PAPPA: variants seen among roughly 807,000 people sequenced by gnomAD.
PAPPA encodes pappalysin 1.
A neutral mutation model predicts 164.0 loss-of-function variants in PAPPA; 60 were observed. That is an observed-to-expected ratio of 0.37 (90% confidence interval 0.30 to 0.45). The LOEUF (loss-of-function observed/expected upper bound fraction) is 0.45, where lower values mean the gene tolerates loss of function less well. PAPPA is among the 20% of genes least tolerant of loss of function. The probability of loss-of-function intolerance (pLI) is 1.00; values close to 1 mark genes in which losing one functional copy is unlikely to be tolerated. For missense variants in PAPPA, 1,782 were observed against 2,087.3 expected (o/e 0.85, Z 2.85); for synonymous variants, 875 against 814.1 (o/e 1.07, Z -1.27).
At chr9:116,160,779 T>C (rs1002533066) in intron 1 of PAPPA, among the ~76,000 whole-genome samples, 2 of 152,210 alleles carry the variant, frequency 1.3e-5, no homozygotes, top group African/African-American at 4.8e-5. Flanking sequence ...CTTCTTGCCT[T>C]GGTGCAGTTA....
chr9:116,284,490 C>T (rs559190753), intron 9 of PAPPA, among the ~76,000 whole-genome samples: 1 of 148,136 alleles, frequency 6.8e-6, no homozygotes, highest in East Asian at 2.0e-4. Context: ...AGGCACACTT[C>T]TCATTCTCCA....
At chr9:116,355,147 T>A (rs1186079234) in intron 17 of PAPPA, among the ~76,000 whole-genome samples, 1 of 152,048 alleles carries the variant, frequency 6.6e-6, no homozygotes, top group East Asian at 1.9e-4. Context: ...TCATTCCACA[T>A]CCCCACACTA....
chr9:116,167,474 C>A (rs1014099578), intron 1 of PAPPA, among the ~76,000 whole-genome samples: 3 of 152,084 alleles, frequency 2.0e-5, no homozygotes, highest in Non-Finnish European at 4.4e-5. Flanking sequence ...ACCAATTGTG[C>A]ACTTATTTCA....
chr9:116,297,870 T>G (rs1845529002), intron 9 of PAPPA, among the ~76,000 whole-genome samples: 1 of 152,230 alleles, frequency 6.6e-6, no homozygotes, highest in African/African-American at 2.4e-5. Context: ...TCTCAGTCTG[T>G]TATGCTATTT....
chr9:116,205,082 T>TTC (rs1554737709), intron 2 of PAPPA, among the ~76,000 whole-genome samples: 2 of 149,976 alleles, frequency 1.3e-5, no homozygotes, highest in African/African-American at 2.5e-5. Flanking sequence ...TTTTTTTTTT[T>TTC]CCCCCCTTTG....
intron 10 of PAPPA, among the ~76,000 whole-genome samples, chr9:116,310,001 G>T (rs1340986320): frequency 6.6e-6 from 1 of 152,128 alleles, no homozygotes; most frequent in African/African-American, 2.4e-5. Flanking sequence ...CCCACCCATG[G>T]TACTCTTTCT....
At chr9:116,238,980 A>G (rs767596106) in intron 7 of PAPPA, among the ~76,000 whole-genome samples, 2 of 152,148 alleles carry the variant, frequency 1.3e-5, no homozygotes, top group Non-Finnish European at 2.9e-5. Context: ...GCTCTTATAC[A>G]AGTTCTATAT....
At chr9:116,337,603 C>T (rs1846078124) in intron 13 of PAPPA, among the ~76,000 whole-genome samples, 1 of 152,022 alleles carries the variant, frequency 6.6e-6, no homozygotes, top group African/African-American at 2.4e-5. Flanking sequence ...TCTCCCCTCC[C>T]CTTCTCTCCT....
At chr9:116,167,484 A>G (rs1843730705) in intron 1 of PAPPA, among the ~76,000 whole-genome samples, 1 of 152,186 alleles carries the variant, frequency 6.6e-6, no homozygotes, top group Non-Finnish European at 1.5e-5. Flanking sequence ...CACTTATTTC[A>G]AAGATACTCT....
chr9:116,209,688 A>G (rs927927030), intron 3 of PAPPA, among the ~76,000 whole-genome samples: 1 of 152,156 alleles, frequency 6.6e-6, no homozygotes, highest in Non-Finnish European at 1.5e-5. Context: ...GGATGAGGTA[A>G]AGCAAACAGG....
intron 1 of PAPPA, among the ~76,000 whole-genome samples, chr9:116,183,034 C>T (rs1843925512): frequency 6.6e-6 from 1 of 152,154 alleles, no homozygotes. Context: ...TTCGGTTTTG[C>T]CACATGGGAC....
intron 13 of PAPPA, among the ~76,000 whole-genome samples, chr9:116,338,611 C>A (rs924320537): frequency 6.6e-6 from 1 of 152,228 alleles, no homozygotes; most frequent in African/African-American, 2.4e-5. Flanking sequence ...GCTGCCATAA[C>A]CTCATTCAAC....
At chr9:116,305,435 C>T (rs1845633738) in intron 10 of PAPPA, among the ~76,000 whole-genome samples, 1 of 147,034 alleles carries the variant, frequency 6.8e-6, no homozygotes, top group African/African-American at 2.5e-5. Context: ...ACTTTCCCCC[C>T]AGATGCTCAT....
At chr9:116,374,281 A>C (rs568541314) in intron 19 of PAPPA, among the ~76,000 whole-genome samples, 1 of 152,214 alleles carries the variant, frequency 6.6e-6, no homozygotes, top group South Asian at 2.1e-4. Flanking sequence ...TATTCTTCCT[A>C]CCACCAAGGC....
rs537098021 is a variant in PAPPA at position 116,378,220 on chromosome 9, G to A, written c.4677+573G>A. 1.3e-4 allele frequency among the ~76,000 whole-genome samples: 20 copies of A among 152,292 alleles called. No homozygotes were observed. The South Asian group carries it at 3.9e-3, about 30-fold the overall frequency. ...AACCCTTAAATTCTATGACTTCACA[G>A]TTGAGCCATTCCTTACAGCTTGGAA... On this transcript the variant is annotated intron_variant, in intron 20 of 21. Transcript: ENST00000328252.
chr9:116,374,154 A>ATGATGATGATGGTG (rs1846615154), intron 19 of PAPPA, among the ~76,000 whole-genome samples: 2 of 29,684 alleles, frequency 6.7e-5, no homozygotes, highest in Admixed American at 6.4e-4. Context: ...TGATGGTGGT[A>ATGATGATGATGGTG]GTGTTGGTGG....
chr9:116,346,487 A>G (rs956700003), intron 14 of PAPPA, among the ~76,000 whole-genome samples: 2 of 152,184 alleles, frequency 1.3e-5, no homozygotes, highest in African/African-American at 2.4e-5. Flanking sequence ...GTCTCATAAC[A>G]TGGAGGAAAA....
At chr9:116,214,304 G>A (rs540006046) in intron 4 of PAPPA, among the ~76,000 whole-genome samples, 1 of 152,132 alleles carries the variant, frequency 6.6e-6, no homozygotes, top group East Asian at 1.9e-4. Flanking sequence ...CGTGTGACAT[G>A]CCGGACACTG....
rs1452904208 is a variant in PAPPA, at chr9:116,187,713, T to A, written c.975T>A (p.Pro325=). The A allele has an allele frequency of 6.2e-7, 1 of 1,614,256 alleles. No homozygotes were observed. The highest frequency in any genetic ancestry group is 1.1e-5 in the South Asian group (1 of 91,092). ...TGCTGGACACGAGTCTGGAGCCTCCTCTGTGCGGACAGACATTGTGTGACA... is the reference window on the plus strand; with the variant it reads ...TGCTGGACACGAGTCTGGAGCCTCCACTGTGCGGACAGACATTGTGTGACA... ...GFLLDTSLEP[P]LCGQTLCDNT... The change falls in exon 2 of 22, where the codon CCT becomes CCA. Residue 325 remains proline, a synonymous_variant. Coordinates refer to ENST00000328252, the MANE Select transcript of PAPPA (RefSeq NM_002581.5). The surrounding 1 kb of genome is among the most constrained non-coding windows in gnomAD (Gnocchi z 4.2).
Sources: gnomAD v4.1 joint callset for allele counts (sites outside exome capture counted in the v4.1 genomes callset) on GRCh38, gnomAD v4.1.1 for gene constraint, Gnocchi (gnomAD v3.1) non-coding constraint, MANE v1.5 for transcripts, NCBI Gene and HGNC (gene_info 2026-07-23, HGNC 2026-07-21) for gene names.